Variants in INPP5D observed in about 807,000 individuals in gnomAD.
INPP5D encodes phosphatidylinositol 3,4,5-trisphosphate 5-phosphatase 1.
INPP5D carries 33 observed loss-of-function variants against 122.9 expected under a neutral mutation model. The ratio of observed to expected loss-of-function variants is 0.27; its 90% CI spans 0.20 to 0.36. The LOEUF is 0.36. Among genes scored for constraint, INPP5D ranks in the 10% least tolerant of loss-of-function variants. The probability of loss-of-function intolerance (pLI) is 1.00; values close to 1 mark genes in which losing one functional copy is unlikely to be tolerated. For synonymous variants in INPP5D, 584 were observed against 576.2 expected, an observed-to-expected ratio of 1.01 and a Z score of -0.19; for missense variants, 1,053 against 1,412.7, an observed-to-expected ratio of 0.75 and a Z score of 4.08.
intron 19 of INPP5D, among the ~76,000 whole-genome samples, chr2:233,184,014 CATT>C (rs1694846647): frequency 6.6e-6 from 1 of 152,156 alleles, no homozygotes; most frequent in South Asian, 2.1e-4. Context: ...TGCTAGCCCT[CATT>C]ATCTGAACTC....
intron 5 of INPP5D, among the ~76,000 whole-genome samples, chr2:233,131,520 A>C (rs1693325470): frequency 6.7e-6 from 1 of 149,956 alleles, no homozygotes; most frequent in Admixed American, 6.7e-5. Context: ...AACATGGTGA[A>C]ATCCTGTCTC....
intron 2 of INPP5D, among the ~76,000 whole-genome samples, chr2:233,083,476 G>A (rs1691744562): frequency 6.6e-6 from 1 of 152,202 alleles, no homozygotes; most frequent in Admixed American, 6.5e-5. Flanking sequence ...GGGGAGGGTT[G>A]GGGCAGTGCT....
At chr2:233,147,704 A>T (rs545068498) in intron 9 of INPP5D, 110 bp downstream of exon 9, 17 of 651,168 alleles carry the variant, frequency 2.6e-5, no homozygotes, top group South Asian at 2.5e-4. Context: ...TTCCGCACGC[A>T]TGCGCGCCTG....
chr2:233,206,083 A>G lies in INPP5D; in HGVS notation c.3568-623A>G, dbSNP rs886399607. On this transcript the variant is annotated intron_variant, in intron 26 of 26. Transcript: ENST00000445964. This position sits in a 1 kb window ranked among gnomAD's most constrained non-coding sequence, Gnocchi z 4.0. ...GACAGAGTGAGACTCCATCTCAAAA[A>G]AGAGAACAGTCAGGCTATGTTGGAT... Among the ~76,000 whole-genome samples the G allele has an allele frequency of 1.3e-5, 2 of 152,014 alleles. No individual in the cohort carries two copies. The highest frequency in any genetic ancestry group is 2.9e-5 in the Non-Finnish European group (2 of 68,024).
chr2:233,202,671 G>T (rs772263093), intron 25 of INPP5D, among the ~76,000 whole-genome samples: 1 of 152,216 alleles, frequency 6.6e-6, no homozygotes, highest in Non-Finnish European at 1.5e-5. Context: ...CTTCACGATA[G>T]CTTCCTTTTC....
At chr2:233,184,141 A>AGTGT (rs1379166050) in intron 19 of INPP5D, among the ~76,000 whole-genome samples, 1 of 152,172 alleles carries the variant, frequency 6.6e-6, no homozygotes, top group African/African-American at 2.4e-5. Context: ...ACACAGCTTT[A>AGTGT]GTGACAGAGA....
At position 233,177,455 on chromosome 2, in the gene INPP5D, G is replaced by T. The variant is rs943948625; in HGVS notation, c.2071+109G>T. ...CTTCAGTCTGTTGATGTGTCAAAGG[G>T]AGGAATTCACTGTAACCCTAATCAG... On this transcript the variant is annotated intron_variant, in intron 18 of 26. Coordinates refer to ENST00000445964, the MANE Select transcript of INPP5D (RefSeq NM_001017915.3). The surrounding 1 kb of genome is among the most constrained non-coding windows in gnomAD (Gnocchi z 4.2). 1.2e-5 allele frequency: 19 copies of T among 1,574,184 alleles called. No individual in the cohort carries two copies. Among genetic ancestry groups the T allele is most frequent in the Non-Finnish European group, 1.6e-5 (19 of 1,152,772 alleles).
intron 2 of INPP5D, among the ~76,000 whole-genome samples, chr2:233,104,919 T>G (rs1300933245): frequency 2.6e-5 from 4 of 152,048 alleles, no homozygotes. Context: ...AAACCAGGTG[T>G]GGTTTCAGGT....
chr2:233,130,621 C>T lies in INPP5D; in HGVS notation c.638C>T (p.Thr213Ile). 1.2e-6 allele frequency: 2 copies of T among 1,614,010 alleles called. No individual in the cohort carries two copies. The highest frequency in any genetic ancestry group is 1.7e-6 in the Non-Finnish European group (2 of 1,179,894). ...AGTCTTCCTCACCTGAAGAAACTGA[C>T]CACACTGCTCTGCAAGGAGCTCTAT... ...SSSLPHLKKL[T>I]TLLCKELYGE... The change falls in exon 5 of 27, where the codon ACC becomes ATC. Residue 213 changes from threonine (T) to isoleucine (I), a missense_variant. By Grantham distance (89) the Thr-to-Ile change is moderately conservative. Around this residue, in one of 6 missense-constraint regions of INPP5D, gnomAD observed 196 missense variants for 175.6 expected, o/e 1.12. Transcript: ENST00000445964.
intron 4 of INPP5D, 66 bp from the exon 5 acceptor site, chr2:233,130,442 T>C (rs934080555): frequency 1.6e-5 from 24 of 1,544,834 alleles, no homozygotes; most frequent in Non-Finnish European, 2.1e-5. Flanking sequence ...TGGTTGCTGT[T>C]CCCATTGGTG....
chr2:233,167,833 C>T (rs12469146), intron 13 of INPP5D, among the ~76,000 whole-genome samples: 3,288 of 152,000 alleles, frequency 0.022, 80 homozygotes, highest in East Asian at 0.12. Context: ...GGTGAAACCT[C>T]GTCTCTACTA....
At chr2:233,068,835 G>A (rs1035335496) in intron 1 of INPP5D, among the ~76,000 whole-genome samples, 11 of 152,214 alleles carry the variant, frequency 7.2e-5, no homozygotes, top group Non-Finnish European at 1.0e-4. Context: ...ACTGAGTGAT[G>A]CCCCTGTGAC....
At chr2:233,166,983 CA>C (rs762605517) in intron 13 of INPP5D, among the ~76,000 whole-genome samples, 545 of 125,144 alleles carry the variant, frequency 4.4e-3, no homozygotes, top group Middle Eastern at 0.021. Flanking sequence ...GACTCTATCT[CA>C]AAAAAAAAAA....
chr2:233,200,776 C>T (rs150889258), intron 25 of INPP5D, among the ~76,000 whole-genome samples: 19,696 of 151,928 alleles, frequency 0.13, 1,569 homozygotes, highest in Non-Finnish European at 0.18. Context: ...CTGACCAACA[C>T]GGTGAAACCC....
Position 233,071,766 on chromosome 2 carries a change from A to C in INPP5D, c.135-7569A>C, listed in dbSNP as rs573078951. Among the ~76,000 whole-genome samples the C allele has an allele frequency of 3.3e-5, 5 of 152,336 alleles. No homozygotes were observed. The South Asian group carries it at 1.0e-3, about 32-fold the overall frequency. ...CTGATTATCTTATACTCTTATTACT[A>C]TTGTGAATACATTTTCCCCTACATT... On this transcript the variant is annotated intron_variant, in intron 1 of 26. Transcript: ENST00000445964.
intron 8 of INPP5D, among the ~76,000 whole-genome samples, chr2:233,146,859 C>G (rs561161780): frequency 1.3e-5 from 2 of 152,156 alleles, no homozygotes; most frequent in South Asian, 4.2e-4. Context: ...AAAATGCGTT[C>G]TTCTTTACAA....
At chr2:233,075,829 G>T (rs1311359369) in intron 1 of INPP5D, among the ~76,000 whole-genome samples, 1 of 152,142 alleles carries the variant, frequency 6.6e-6, no homozygotes, top group Non-Finnish European at 1.5e-5. Flanking sequence ...AGCCCTGGGG[G>T]TCAGAATGTC....
rs1004374538 is a variant in INPP5D, at chr2:233,207,305, T to C, written c.*597T>C. ...GGAGCTGAAGAGTCTGGGTAGCTTG[T>C]TTAGGGTACAAGAAGCCTGTTCTGT... On this transcript the variant is annotated 3_prime_UTR_variant, in exon 27 of 27. Transcript: ENST00000445964. The surrounding 1 kb of genome is among the most constrained non-coding windows in gnomAD (Gnocchi z 4.6). 1 of 152,706 alleles carries C rather than the reference T, an allele frequency of 6.5e-6. No homozygotes were observed. The highest frequency in any genetic ancestry group is 2.4e-5 in the African/African-American group (1 of 41,420). The allele number at this position is 152,706 out of a possible 1,614,324, so 9.5% of individuals were successfully genotyped here.
chr2:233,204,551 C>T lies in INPP5D; in HGVS notation c.3401C>T (p.Pro1134Leu), dbSNP rs532718867. ...AGATCGGAAATCAACCAGCAGACCC[C>T]GCCCACCCCGACGCCGCGGCCGCCG... is the stretch of plus-strand genomic sequence containing the variant. ...PSRSEINQQT[P>L]PTPTPRPPLP... is the part of the protein sequence containing the mutation. The change falls in exon 26 of 27, where the codon CCG becomes CTG. Residue 1134 changes from proline to leucine, a missense_variant. Transcript: ENST00000445964. 340 of 1,573,408 alleles carry T rather than the reference C, an allele frequency of 2.2e-4. 4 individuals carry two copies. The Middle Eastern group carries it at 4.5e-3, about 21-fold the overall frequency.
Sources: gnomAD v4.1 joint callset for allele counts (sites outside exome capture counted in the v4.1 genomes callset) on GRCh38, gnomAD v4.1.1 for gene constraint, gnomAD v4.1.1 regional missense constraint, Gnocchi (gnomAD v3.1) non-coding constraint, MANE v1.5 for transcripts, NCBI Gene and HGNC (gene_info 2026-07-23, HGNC 2026-07-21) for gene names.